Variants in SIPA1L3 observed in about 807,000 individuals in gnomAD.
SIPA1L3 encodes signal-induced proliferation-associated 1-like protein 3.
SIPA1L3 carries 59 observed loss-of-function variants against 150.1 expected under a neutral mutation model. The observed-to-expected ratio is 0.39, with a 90% CI of 0.32 to 0.49. The LOEUF is 0.49. SIPA1L3 is among the 20% of genes least tolerant of loss of function. The pLI is 0.86. For missense variants in SIPA1L3, 2,211 were observed against 2,489.5 expected (o/e 0.89, Z 2.38); for synonymous variants, 1,070 against 1,077.6 (o/e 0.99, Z 0.14).
chr19:38,040,511 T>C (rs968746710), intron 2 of SIPA1L3, among the ~76,000 whole-genome samples: 11 of 152,174 alleles, frequency 7.2e-5, no homozygotes, highest in African/African-American at 2.7e-4. Context: ...ATAAAAGTGG[T>C]TATATAATCG....
At chr19:37,929,963 A>G (rs918282793) in intron 1 of SIPA1L3, among the ~76,000 whole-genome samples, 2 of 151,598 alleles carry the variant, frequency 1.3e-5, no homozygotes, top group African/African-American at 4.8e-5. Flanking sequence ...GGCTCAAGCA[A>G]TCCTCCCGCC....
intron 1 of SIPA1L3, among the ~76,000 whole-genome samples, chr19:38,007,291 A>G (rs1306286494): frequency 6.6e-6 from 1 of 152,102 alleles, no homozygotes; most frequent in Admixed American, 6.5e-5. Context: ...TGTCTCTACT[A>G]AAAATACAAA....
At chr19:37,929,829 A>G (rs2046537122) in intron 1 of SIPA1L3, among the ~76,000 whole-genome samples, 2 of 152,058 alleles carry the variant, frequency 1.3e-5, no homozygotes, top group South Asian at 2.1e-4. Flanking sequence ...GTGACTTTTT[A>G]TGTATGTATG....
intron 1 of SIPA1L3, among the ~76,000 whole-genome samples, chr19:38,008,334 TCTC>T (rs2145675024): frequency 6.9e-6 from 1 of 145,662 alleles, no homozygotes; most frequent in South Asian, 2.3e-4. Flanking sequence ...TTCAAGCAAT[TCTC>T]CTGTCTCAGC....
At chr19:38,124,995 A>AGAGAGGGAGAGGGAGACCGTGGGGAGAGG (rs1188312477) in intron 9 of SIPA1L3, among the ~76,000 whole-genome samples, 54,687 of 100,620 alleles carry the variant, frequency 0.54, 16,420 homozygotes, top group African/African-American at 0.76. Context: ...GACTGTGGAA[A>AGAGAGGGAGAGGGAGACCGTGGGGAGAGG]GAGAGGGAGA....
At chr19:38,004,018 A>G (rs991564577) in intron 1 of SIPA1L3, among the ~76,000 whole-genome samples, 4 of 152,064 alleles carry the variant, frequency 2.6e-5, no homozygotes, top group Non-Finnish European at 5.9e-5. Context: ...CAAACAAGAC[A>G]GGGGAGGGAT....
At chr19:38,020,086 C>T (rs1489655744) in intron 1 of SIPA1L3, among the ~76,000 whole-genome samples, 1 of 139,500 alleles carries the variant, frequency 7.2e-6, no homozygotes, top group Non-Finnish European at 1.6e-5. Context: ...GAGTGAGACC[C>T]CGTCTCTCTC....
In SIPA1L3 at chr19:38,141,219, A is replaced by T. The variant is rs1971573099; in HGVS notation, c.3179A>T (p.Glu1060Val). 1 of 1,611,074 alleles carries T rather than the reference A, an allele frequency of 6.2e-7. No homozygotes were observed. Among genetic ancestry groups the T allele is most frequent in the Non-Finnish European group, 8.5e-7 (1 of 1,178,342 alleles). ...WPETYDMNTS[E>V]PKTEQESITP... is the part of the protein sequence containing the mutation. ...GAGACCTACGACATGAATACCTCGG[A>T]GCCCAAGACGGAGCAGGAAAGCATC... The change falls in exon 11 of 22, where the codon GAG becomes GTG. Residue 1060 changes from glutamate to valine, a missense_variant. By Grantham distance (121) the Glu-to-Val change is moderately radical. Coordinates refer to ENST00000222345, the MANE Select transcript of SIPA1L3 (RefSeq NM_015073.3).
chr19:38,091,093 A>C (rs1006194704), intron 4 of SIPA1L3, among the ~76,000 whole-genome samples: 3 of 152,194 alleles, frequency 2.0e-5, no homozygotes, highest in African/African-American at 7.2e-5. Context: ...ACAGTCATAT[A>C]CTTATAAATA....
chr19:37,985,593 G>A (rs34442291), intron 1 of SIPA1L3, among the ~76,000 whole-genome samples: 4,340 of 152,322 alleles, frequency 0.028, 85 homozygotes, highest in Non-Finnish European at 0.047. Context: ...GGGTCTGTCC[G>A]AGGAGGTGAC....
intron 2 of SIPA1L3, among the ~76,000 whole-genome samples, chr19:38,064,820 C>T (rs779731429): frequency 3.9e-5 from 6 of 152,232 alleles, no homozygotes; most frequent in African/African-American, 1.2e-4. Flanking sequence ...GTATTATTAT[C>T]TCCATTTTAC....
chr19:38,030,132 G>T (rs1018083453), intron 2 of SIPA1L3, among the ~76,000 whole-genome samples: 7 of 151,634 alleles, frequency 4.6e-5, no homozygotes, highest in Middle Eastern at 3.2e-3. Context: ...GGGATTACAG[G>T]CATGAACCAC....
chr19:37,976,326 A>T (rs1967075833), intron 1 of SIPA1L3, among the ~76,000 whole-genome samples: 2 of 151,916 alleles, frequency 1.3e-5, no homozygotes, highest in Non-Finnish European at 2.9e-5. Flanking sequence ...GCTCTTGGAG[A>T]TGCAGGCTGC....
At chr19:38,136,109 G>T (rs1016986289) in intron 10 of SIPA1L3, among the ~76,000 whole-genome samples, 1 of 145,564 alleles carries the variant, frequency 6.9e-6, no homozygotes, top group East Asian at 2.1e-4. Context: ...TTCACTCTCT[G>T]TGCCTAGGCT....
rs779351790 is a variant in SIPA1L3 at position 37,973,559 on chromosome 19, G to GGC, written c.-378-55530_-378-55529insGC. Among the ~76,000 whole-genome samples the GGC allele has an allele frequency of 3.8e-3, 550 of 142,956 alleles. 40 individuals carry two copies. Among genetic ancestry groups the GGC allele is most frequent in the Non-Finnish European group, 7.1e-3 (475 of 66,730 alleles). The allele number at this position is 142,956 out of a possible 152,430, so 93.8% of individuals were successfully genotyped here. A position where few individuals can be genotyped will look rare whatever the true frequency, so the allele number is the denominator to read the frequency against. ...CAAAAAAAAAAAAAAAAAAAAGCGG[G>GGC]AGGGGGGCGCATCTTGAAGCACTAA... On this transcript the variant is annotated intron_variant, in intron 1 of 21. Coordinates refer to ENST00000222345, the MANE Select transcript of SIPA1L3 (RefSeq NM_015073.3).
intron 1 of SIPA1L3, among the ~76,000 whole-genome samples, chr19:37,927,691 G>GTA (rs1491017728): frequency 1.5e-5 from 2 of 131,276 alleles, no homozygotes; most frequent in African/African-American, 2.8e-5. Flanking sequence ...GTGTGTGTGT[G>GTA]TATGCAATGT....
At chr19:38,030,184 T>C (rs1229939666) in intron 2 of SIPA1L3, among the ~76,000 whole-genome samples, 3 of 152,112 alleles carry the variant, frequency 2.0e-5, no homozygotes, top group Non-Finnish European at 4.4e-5. Context: ...GAGACAGATG[T>C]AGACAGTTGT....
intron 13 of SIPA1L3, among the ~76,000 whole-genome samples, chr19:38,159,315 G>A (rs1312942962): frequency 1.3e-5 from 2 of 152,214 alleles, no homozygotes; most frequent in Non-Finnish European, 2.9e-5. Context: ...GGCTTGCACC[G>A]GAGGTGGCAG....
chr19:38,050,534 G>A (rs772905601), intron 2 of SIPA1L3, among the ~76,000 whole-genome samples: 5 of 152,154 alleles, frequency 3.3e-5, no homozygotes, highest in South Asian at 2.1e-4. Context: ...CACTATCACC[G>A]TCATTATTAT....
Sources: allele counts gnomAD v4.1 joint callset (sites outside exome capture counted in the v4.1 genomes callset), GRCh38; gene constraint gnomAD v4.1.1; transcripts MANE v1.5; gene names NCBI Gene and HGNC (gene_info 2026-07-23, HGNC 2026-07-21).